The following RAD51B variants were observed in gnomAD, a reference collection of about 807,000 sequenced individuals.
The protein encoded by RAD51B is DNA repair protein RAD51 homolog 2.
In RAD51B, 38 loss-of-function variants were observed where a neutral mutation model predicts 42.2. That is an observed-to-expected ratio of 0.90 (90% CI 0.70 to 1.18). The LOEUF is 1.18. RAD51B is among the 50% of genes most tolerant of loss of function. The pLI is 0.00. For synonymous variants in RAD51B, 154 were observed against 145.2 expected (o/e 1.06, Z -0.43); for missense variants, 373 against 400.7 (o/e 0.93, Z 0.59).
intron 7 of RAD51B, among the ~76,000 whole-genome samples, chr14:68,226,786 C>T (rs117393725): frequency 0.073 from 11,121 of 152,278 alleles, 593 homozygotes; most frequent in Non-Finnish European, 0.1. Flanking sequence ...GCCAGTTTTA[C>T]ATAGCTAGTT....
chr14:68,375,370 A>T (rs1245823657), intron 8 of RAD51B, among the ~76,000 whole-genome samples: 1 of 152,150 alleles, frequency 6.6e-6, no homozygotes, highest in African/African-American at 2.4e-5. Context: ...TGAAGGCTTG[A>T]GTCTAGTAAA....
intron 10 of RAD51B, among the ~76,000 whole-genome samples, chr14:68,637,374 C>T (rs11623872): frequency 2.4e-4 from 37 of 152,318 alleles, no homozygotes; most frequent in Non-Finnish European, 4.0e-4. Flanking sequence ...CCACCTCACT[C>T]GGACTTCGTA....
intron 9 of RAD51B, among the ~76,000 whole-genome samples, chr14:68,420,459 C>T (rs1487870651): frequency 1.3e-5 from 2 of 151,848 alleles, no homozygotes; most frequent in Non-Finnish European, 2.9e-5. Context: ...ATATGCTAAA[C>T]AAGAAGTGGA....
chr14:68,128,775 G>A (rs986764513), intron 7 of RAD51B, among the ~76,000 whole-genome samples: 5 of 152,146 alleles, frequency 3.3e-5, no homozygotes, highest in African/African-American at 4.8e-5. Context: ...CAGATACACA[G>A]CTCTTACTAA....
At chr14:67,850,679 G>C (rs2041774985) in intron 4 of RAD51B, among the ~76,000 whole-genome samples, 1 of 150,196 alleles carries the variant, frequency 6.7e-6, no homozygotes, top group Non-Finnish European at 1.5e-5. Flanking sequence ...TAGCTGGGTA[G>C]AGTGGATAAC....
At chr14:68,058,093 G>A (rs1465447287) in intron 7 of RAD51B, among the ~76,000 whole-genome samples, 1 of 151,760 alleles carries the variant, frequency 6.6e-6, no homozygotes, top group Non-Finnish European at 1.5e-5. Context: ...TTTTTATCAT[G>A]ATATAATTAA....
chr14:68,070,209 AT>A (rs1450905085), intron 7 of RAD51B, among the ~76,000 whole-genome samples: 2 of 151,792 alleles, frequency 1.3e-5, no homozygotes, highest in Non-Finnish European at 2.9e-5. Context: ...GTTTGCAAAT[AT>A]TTTCTCCCAT....
chr14:68,142,257 C>T (rs2078144736), intron 7 of RAD51B, among the ~76,000 whole-genome samples: 1 of 152,092 alleles, frequency 6.6e-6, no homozygotes, highest in Non-Finnish European at 1.5e-5. Flanking sequence ...TATGACCTTA[C>T]ATGCAGATTG....
intron 11 of RAD51B, among the ~76,000 whole-genome samples, chr14:68,657,052 A>C (rs1892830885): frequency 6.6e-6 from 1 of 152,192 alleles, no homozygotes; most frequent in African/African-American, 2.4e-5. Context: ...AGTTTCTACA[A>C]AGATGGAATG....
chr14:67,912,849 G>A (rs1272513593), intron 7 of RAD51B, among the ~76,000 whole-genome samples: 1 of 152,032 alleles, frequency 6.6e-6, no homozygotes, highest in Non-Finnish European at 1.5e-5. Flanking sequence ...GGGACTACAG[G>A]TGCCTGCCAC....
intron 7 of RAD51B, among the ~76,000 whole-genome samples, chr14:68,152,557 G>A (rs963430384): frequency 6.6e-6 from 1 of 152,040 alleles, no homozygotes; most frequent in Admixed American, 6.5e-5. Flanking sequence ...CTCAGATGTT[G>A]TTTTTTGTTT....
intron 10 of RAD51B, among the ~76,000 whole-genome samples, chr14:68,543,573 A>T (rs893841321): frequency 2.6e-5 from 4 of 152,204 alleles, no homozygotes; most frequent in Non-Finnish European, 1.5e-5. Flanking sequence ...AATTAATGAG[A>T]TGGAAGGATT....
At chr14:68,284,863 T>C (rs2081383663) in intron 7 of RAD51B, among the ~76,000 whole-genome samples, 1 of 152,136 alleles carries the variant, frequency 6.6e-6, no homozygotes, top group Non-Finnish European at 1.5e-5. Flanking sequence ...TCAAACTCCG[T>C]AACAAATATT....
chr14:68,096,619 C>A (rs992409893), intron 7 of RAD51B, among the ~76,000 whole-genome samples: 1 of 152,180 alleles, frequency 6.6e-6, no homozygotes, highest in Non-Finnish European at 1.5e-5. Context: ...CACATCCCAT[C>A]GTTTTTGAGA....
At chr14:68,483,058 G>GA (rs1883325884), downstream of RAD51B, among the ~76,000 whole-genome samples, 1 of 133,818 alleles carries the variant, frequency 7.5e-6, no homozygotes, top group South Asian at 2.2e-4. Flanking sequence ...AAGAAAGTAA[G>GA]AAAGAGAGAG....
chr14:68,501,920 G>A (rs1380673294), intron 10 of RAD51B, among the ~76,000 whole-genome samples: 1 of 152,256 alleles, frequency 6.6e-6, no homozygotes, highest in African/African-American at 2.4e-5. Context: ...GGTAGAAAGG[G>A]CGGAGCCGAG....
At chr14:68,371,067 A>AG (rs1178737093) in intron 8 of RAD51B, among the ~76,000 whole-genome samples, 5 of 147,482 alleles carry the variant, frequency 3.4e-5, no homozygotes, top group Non-Finnish European at 7.4e-5. Flanking sequence ...AAAAAAAGAA[A>AG]AGAAAATTAA....
intron 8 of RAD51B, among the ~76,000 whole-genome samples, chr14:68,363,379 C>A (rs1013535015): frequency 6.6e-6 from 1 of 152,218 alleles, no homozygotes; most frequent in African/African-American, 2.4e-5. Context: ...AAAATATATG[C>A]ATATATAAAA....
intron 7 of RAD51B, among the ~76,000 whole-genome samples, chr14:68,175,190 C>G (rs2078941223): frequency 2.0e-5 from 3 of 152,144 alleles, no homozygotes; most frequent in Admixed American, 2.0e-4. Context: ...ACTTCAAACT[C>G]CATTTTCCAT....
Sources: gnomAD v4.1 joint callset for allele counts (sites outside exome capture counted in the v4.1 genomes callset) on GRCh38, gnomAD v4.1.1 for gene constraint, MANE v1.5 for transcripts, NCBI Gene and HGNC (gene_info 2026-07-23, HGNC 2026-07-21) for gene names.